CIT: variants seen among roughly 807,000 people sequenced by gnomAD.
CIT encodes the protein citron rho-interacting serine/threonine kinase, also known as citron Rho-interacting kinase.
In CIT, 79 loss-of-function variants were observed where a neutral mutation model predicts 272.7. That is an observed-to-expected ratio of 0.29 (90% confidence interval 0.24 to 0.35). The LOEUF (loss-of-function observed/expected upper bound fraction) is 0.35, where lower values mean the gene tolerates loss of function less well. Among genes scored for constraint, CIT ranks in the 10% least tolerant of loss-of-function variants. CIT has a pLI of 1.00. For synonymous variants in CIT, 948 were observed against 995.6 expected (o/e 0.95, Z 0.90); for missense variants, 1,909 against 2,618.3 (o/e 0.73, Z 5.91).
In CIT at chr12:119,770,133, C is replaced by T. The variant is rs147742820; in HGVS notation, c.2208+652G>A. Among the ~76,000 whole-genome samples, 25 of 152,250 alleles carry T rather than the reference C, an allele frequency of 1.6e-4. No individual in the cohort carries two copies. In the East Asian group the frequency reaches 1.7e-3, roughly 11 times the overall value. On this transcript the variant is annotated intron_variant, in intron 18 of 47. Coordinates refer to ENST00000392521, the MANE Select transcript of CIT (RefSeq NM_001206999.2). The surrounding 1 kb of genome is among the most constrained non-coding windows in gnomAD (Gnocchi z 4.4). ...GTCTTCCACCCTGGCAGGGGCAAAA[C>T]GTCAACACATCTGCAAATACCACCC...
chr12:119,763,077 C>T (rs895738753), intron 19 of CIT, among the ~76,000 whole-genome samples: 9 of 152,122 alleles, frequency 5.9e-5, no homozygotes, highest in South Asian at 2.1e-4. Context: ...AAAGAACATA[C>T]GGATCTCTCT....
At chr12:119,812,134 G>A (rs1966853442) in intron 9 of CIT, among the ~76,000 whole-genome samples, 1 of 151,888 alleles carries the variant, frequency 6.6e-6, no homozygotes, top group Non-Finnish European at 1.5e-5. Context: ...TTTTAGTAGA[G>A]ACGGGGTTTT....
At chr12:119,811,988 C>T (rs1039587312) in intron 9 of CIT, among the ~76,000 whole-genome samples, 3 of 150,318 alleles carry the variant, frequency 2.0e-5, no homozygotes, top group Admixed American at 2.0e-4. Flanking sequence ...CTCTTTTGCC[C>T]AGGTTGGAGT....
intron 3 of CIT, among the ~76,000 whole-genome samples, chr12:119,860,625 A>C (rs948369257): frequency 2.6e-5 from 4 of 152,122 alleles, no homozygotes; most frequent in Non-Finnish European, 5.9e-5. Flanking sequence ...CCAACTTAAT[A>C]ACTCTGGGCC....
intron 32 of CIT, among the ~76,000 whole-genome samples, chr12:119,717,838 C>CTTCTTTT (rs1957600385): frequency 1.2e-5 from 1 of 81,332 alleles, no homozygotes; most frequent in Non-Finnish European, 2.3e-5. Flanking sequence ...TGACTTCTTT[C>CTTCTTTT]TTTTTTTTTT....
In CIT at chr12:119,787,981, C is replaced by T. The variant is rs409175; in HGVS notation, c.1296-2916G>A. On this transcript the variant is annotated intron_variant, in intron 10 of 47. Coordinates refer to ENST00000392521, the MANE Select transcript of CIT (RefSeq NM_001206999.2). ...TTACTACTGTCATTGTTGTGTTTTC[C>T]ATTACTACCCATGCAACTTCATAAA... 8.2e-3 allele frequency among the ~76,000 whole-genome samples: 1,243 copies of T among 152,208 alleles called. 19 individuals are homozygous for T. Among genetic ancestry groups the T allele is most frequent in the African/African-American group, 0.028 (1,179 of 41,522 alleles).
intron 10 of CIT, among the ~76,000 whole-genome samples, chr12:119,795,417 GA>G (rs1965648777): frequency 6.6e-6 from 1 of 152,076 alleles, no homozygotes; most frequent in South Asian, 2.1e-4. Flanking sequence ...TTAAAACTTG[GA>G]AAAGTTGACC....
chr12:119,784,592 C>T lies in CIT; in HGVS notation c.1401+368G>A, dbSNP rs574245812. On this transcript the variant is annotated intron_variant, in intron 11 of 47. Coordinates refer to ENST00000392521, the MANE Select transcript of CIT (RefSeq NM_001206999.2). The surrounding 1 kb of genome is among the most constrained non-coding windows in gnomAD (Gnocchi z 4.7). Reference sequence around the variant, plus strand: ...AACACAGTGGCCGCAGTGACATAAGCAGGAGTTTTAAAAGACTAGGAAGAG... The same window carrying T: ...AACACAGTGGCCGCAGTGACATAAGTAGGAGTTTTAAAAGACTAGGAAGAG... 8.5e-7 allele frequency: 1 copy of T among 1,179,498 alleles called. No individual in the cohort carries two copies. Among genetic ancestry groups the T allele is most frequent in the Admixed American group, 4.3e-5 (1 of 23,506 alleles). 73.1% of individuals were successfully genotyped at this position (1,179,498 alleles called of 1,614,324 possible). A position where few individuals can be genotyped will look rare whatever the true frequency, so the allele number is the denominator to read the frequency against.
In CIT at chr12:119,735,146, TTAA is replaced by T; in HGVS notation, c.3156+11_3156+13del. ...GTCCTCCAGGGATCTCACGACCTTG[TTAA>T]CCCTCCTTACTTGCTTCTGGCTGGT... is the stretch of plus-strand genomic sequence containing the variant. On this transcript the variant is annotated intron_variant, in intron 25 of 47. Transcript: ENST00000392521. 1 of 1,612,910 alleles carries T rather than the reference TTAA, an allele frequency of 6.2e-7. No individual in the cohort carries two copies. Among genetic ancestry groups the T allele is most frequent in the East Asian group, 2.2e-5 (1 of 44,862 alleles).
chr12:119,811,137 C>A (rs772628745), intron 9 of CIT, among the ~76,000 whole-genome samples: 7 of 152,038 alleles, frequency 4.6e-5, no homozygotes, highest in Non-Finnish European at 8.8e-5. Context: ...CCAGCCTGGG[C>A]AACATGGCAA....
chr12:119,870,834 G>T (rs776216813), intron 2 of CIT, among the ~76,000 whole-genome samples: 1 of 151,908 alleles, frequency 6.6e-6, no homozygotes, highest in Non-Finnish European at 1.5e-5. Context: ...AAAAAGTTAC[G>T]AGTCAGCCAG....
intron 5 of CIT, among the ~76,000 whole-genome samples, chr12:119,847,110 G>C (rs563979202): frequency 2.6e-5 from 4 of 151,640 alleles, no homozygotes; most frequent in Non-Finnish European, 4.4e-5. Context: ...TCAGCCTCCC[G>C]AGTAGCTGGG....
chr12:119,787,358 G>A (rs1294773291), intron 10 of CIT, among the ~76,000 whole-genome samples: 1 of 151,942 alleles, frequency 6.6e-6, no homozygotes, highest in Non-Finnish European at 1.5e-5. Flanking sequence ...TCGAGCCCAG[G>A]AGTTCAAGGC....
At chr12:119,825,485 C>A in intron 7 of CIT, 117 bp from the exon 8 acceptor site, 1 of 846,172 alleles carries the variant, frequency 1.2e-6, no homozygotes, top group Non-Finnish European at 1.8e-6. Flanking sequence ...CTCCCAGGCA[C>A]TTAAACCAGC....
chr12:119,692,164 A>G (rs1955989455), intron 46 of CIT, among the ~76,000 whole-genome samples: 1 of 152,190 alleles, frequency 6.6e-6, no homozygotes, highest in Admixed American at 6.5e-5. Context: ...AAATATTTGA[A>G]AAAGCCGGGC....
chr12:119,787,401 A>G (rs1964885624), intron 10 of CIT, among the ~76,000 whole-genome samples: 1 of 150,896 alleles, frequency 6.6e-6, no homozygotes, highest in African/African-American at 2.4e-5. Context: ...ACTGCACTCC[A>G]GTCTGGGTAA....
Position 119,776,358 on chromosome 12 carries a change from C to T in CIT, c.1887G>A (p.Lys629=). The change falls in exon 15 of 48, where the codon AAG becomes AAA. Residue 629 remains lysine (K), a splice_region_variant and synonymous_variant. Transcript: ENST00000392521. ...PEVGEYAKLE[K]INAEQQLKIQ... is the part of the protein sequence containing the mutation. ...GCAAAACCAATCATGGAAAGTATAC[C>T]TTCTCCAGTTTCGCATATTCTCCCA... 1 of 1,612,300 alleles carries T rather than the reference C, an allele frequency of 6.2e-7. No individual in the cohort carries two copies. The highest frequency in any genetic ancestry group is 8.5e-7 in the Non-Finnish European group (1 of 1,178,640).
Position 119,712,596 on chromosome 12 carries a change from T to G in CIT, c.4679A>C (p.Lys1560Thr). The change falls in exon 36 of 48, where the codon AAA becomes ACA. Residue 1560 changes from lysine (K) to threonine (T), a missense_variant. Around this residue, in one of 8 missense-constraint regions of CIT, gnomAD observed 780 missense variants for 1,067.2 expected, o/e 0.73. Transcript: ENST00000392521. This position sits in a 1 kb window ranked among gnomAD's most constrained non-coding sequence, Gnocchi z 5.2. ...VGASELANTA[K>T]ADVPYILKME... ...CTCCTCCGGCTCCTCCTCACCTGCT[T>G]TGGCTGTATTTGCGAGTTCGGAAGC... 1 of 1,614,100 alleles carries G rather than the reference T, an allele frequency of 6.2e-7. No individual in the cohort carries two copies. The highest frequency in any genetic ancestry group is 1.1e-5 in the South Asian group (1 of 91,080).
At chr12:119,810,079 A>G (rs1435601041) in intron 9 of CIT, among the ~76,000 whole-genome samples, 1 of 152,214 alleles carries the variant, frequency 6.6e-6, no homozygotes, top group Admixed American at 6.5e-5. Flanking sequence ...AGCTCTAGCC[A>G]ATTAATTGAA....
Sources: gnomAD v4.1 joint callset for allele counts (sites outside exome capture counted in the v4.1 genomes callset) on GRCh38, gnomAD v4.1.1 for gene constraint, gnomAD v4.1.1 regional missense constraint, Gnocchi (gnomAD v3.1) non-coding constraint, MANE v1.5 for transcripts, NCBI Gene and HGNC (gene_info 2026-07-23, HGNC 2026-07-21) for gene names.